DENND1A: variants seen among roughly 807,000 people sequenced by gnomAD.
The protein encoded by DENND1A is DENN domain containing 1A, also known as DENN domain-containing protein 1A.
In DENND1A, 51 loss-of-function variants were observed where a neutral mutation model predicts 113.7. That is an observed-to-expected ratio of 0.45 (90% CI 0.36 to 0.57). The LOEUF (loss-of-function observed/expected upper bound fraction) is 0.57, where lower values mean the gene tolerates loss of function less well. DENND1A is among the 20% of genes least tolerant of loss of function. The pLI is 0.00. For missense variants in DENND1A, 1,258 were observed against 1,395.9 expected, an observed-to-expected ratio of 0.90 and a Z score of 1.57; for synonymous variants, 565 against 570.8, an observed-to-expected ratio of 0.99 and a Z score of 0.14.
chr9:123,490,334 C>T (rs1269670662), intron 13 of DENND1A, among the ~76,000 whole-genome samples: 2 of 152,136 alleles, frequency 1.3e-5, no homozygotes, highest in Non-Finnish European at 2.9e-5. Context: ...GCCTGTAATC[C>T]CAGCACAGTC....
At chr9:123,593,950 CCT>C (rs1241849128) in intron 11 of DENND1A, among the ~76,000 whole-genome samples, 2 of 151,900 alleles carry the variant, frequency 1.3e-5, no homozygotes, top group African/African-American at 4.8e-5. Flanking sequence ...GTAGCATTCC[CCT>C]CTCTCTCTCT....
intron 2 of DENND1A, among the ~76,000 whole-genome samples, chr9:123,810,827 T>C (rs139292024): frequency 6.6e-6 from 1 of 151,508 alleles, no homozygotes; most frequent in African/African-American, 2.4e-5. Flanking sequence ...GGTGCAATCT[T>C]GGCTCACTGC....
chr9:123,558,724 C>T (rs10986053), intron 12 of DENND1A, among the ~76,000 whole-genome samples: 8,337 of 152,238 alleles, frequency 0.055, 322 homozygotes, highest in Admixed American at 0.087. Context: ...TCAAGCTTCC[C>T]GGACTATTTC....
intron 1 of DENND1A, among the ~76,000 whole-genome samples, chr9:123,916,186 G>A (rs904238202): frequency 1.3e-5 from 2 of 151,990 alleles, no homozygotes; most frequent in Admixed American, 1.3e-4. Flanking sequence ...CCATCCAATA[G>A]AGTACTATTG....
intron 9 of DENND1A, among the ~76,000 whole-genome samples, chr9:123,632,110 AC>A (rs1362728638): frequency 6.6e-6 from 1 of 152,208 alleles, no homozygotes; most frequent in African/African-American, 2.4e-5. Flanking sequence ...GGTTAGTGTA[AC>A]ATGAACAGCT....
At chr9:123,572,592 T>C (rs1012708243) in intron 12 of DENND1A, among the ~76,000 whole-genome samples, 5 of 152,236 alleles carry the variant, frequency 3.3e-5, no homozygotes, top group African/African-American at 7.2e-5. Flanking sequence ...TATCTTTTCA[T>C]GTGCATGTTG....
intron 2 of DENND1A, among the ~76,000 whole-genome samples, chr9:123,875,129 A>G (rs1439799916): frequency 1.3e-5 from 2 of 152,244 alleles, no homozygotes; most frequent in African/African-American, 4.8e-5. Context: ...GCAGAGCTAC[A>G]TACAGAATAA....
At chr9:123,831,471 A>C (rs1475777224) in intron 2 of DENND1A, among the ~76,000 whole-genome samples, 1 of 152,198 alleles carries the variant, frequency 6.6e-6, no homozygotes, top group Non-Finnish European at 1.5e-5. Flanking sequence ...TGAAACTACA[A>C]AGACCAATAA....
At chr9:123,408,263 C>T (rs1274135518) in intron 20 of DENND1A, among the ~76,000 whole-genome samples, 1 of 152,160 alleles carries the variant, frequency 6.6e-6, no homozygotes, top group African/African-American at 2.4e-5. Flanking sequence ...CGAGTCTCCC[C>T]GGTTCCCACC....
chr9:123,495,249 T>C (rs1293519596), intron 13 of DENND1A, among the ~76,000 whole-genome samples: 1 of 151,888 alleles, frequency 6.6e-6, no homozygotes, highest in Admixed American at 6.6e-5. Context: ...TTATCACCAG[T>C]AGCCAGCAGT....
rs541602517 is a variant in DENND1A at position 123,891,408 on chromosome 9, C to T, written c.18-12387G>A. Among the ~76,000 whole-genome samples the T allele has an allele frequency of 5.3e-5, 8 of 152,284 alleles. No individual in the cohort carries two copies. The South Asian group carries it at 1.7e-3, about 32-fold the overall frequency. ...TTTAAATCAGATTCCCAGGTTCTAC[C>T]ACTGAAGACTGATTCATTAGGTGGG... is the stretch of plus-strand genomic sequence containing the variant. On this transcript the variant is annotated intron_variant, in intron 1 of 23. Coordinates refer to ENST00000394215, the MANE Select transcript of DENND1A (RefSeq NM_001352964.2).
intron 10 of DENND1A, among the ~76,000 whole-genome samples, chr9:123,614,411 A>T (rs2060550412): frequency 6.6e-6 from 1 of 152,240 alleles, no homozygotes; most frequent in Non-Finnish European, 1.5e-5. Context: ...GGAAGAAGCA[A>T]GAATATGGAA....
intron 19 of DENND1A, among the ~76,000 whole-genome samples, chr9:123,420,392 A>G (rs2045163056): frequency 6.6e-6 from 1 of 152,134 alleles, no homozygotes; most frequent in Non-Finnish European, 1.5e-5. Context: ...GGTGCCCCAC[A>G]ACTTGCCCTC....
Position 123,414,091 on chromosome 9 carries a change from C to T in DENND1A, c.1489-2262G>A, listed in dbSNP as rs977140525. 2.1e-5 allele frequency: 21 copies of T among 994,148 alleles called. No homozygotes were observed. In the East Asian group the frequency reaches 5.4e-4, roughly 26 times the overall value. The allele number at this position is 994,148 out of a possible 1,614,324, so 61.6% of individuals were successfully genotyped here. On this transcript the variant is annotated intron_variant, in intron 19 of 23. Coordinates refer to ENST00000394215, the MANE Select transcript of DENND1A (RefSeq NM_001352964.2). ...CTGGGTGGCAGTGCACCAGAGCGCT[C>T]GGGAGGCAGCCTCTAGGGGTCAGAC...
intron 11 of DENND1A, among the ~76,000 whole-genome samples, chr9:123,591,118 C>CA (rs1174664793): frequency 6.6e-6 from 1 of 152,202 alleles, no homozygotes; most frequent in African/African-American, 2.4e-5. Context: ...GTTTGATAAA[C>CA]ACTCTATCTT....
At chr9:123,612,727 C>T (rs771493116) in intron 10 of DENND1A, among the ~76,000 whole-genome samples, 3 of 152,178 alleles carry the variant, frequency 2.0e-5, no homozygotes, top group Non-Finnish European at 2.9e-5. Flanking sequence ...CTTCATGTTG[C>T]ATGAATTCCT....
intron 13 of DENND1A, among the ~76,000 whole-genome samples, chr9:123,549,084 AT>A (rs1182305852): frequency 2.0e-5 from 3 of 151,974 alleles, no homozygotes; most frequent in Non-Finnish European, 4.4e-5. Context: ...TATTTTTTAC[AT>A]TTTTTTTCCT....
At chr9:123,636,119 A>G (rs749675619) in intron 9 of DENND1A, among the ~76,000 whole-genome samples, 1 of 152,132 alleles carries the variant, frequency 6.6e-6, no homozygotes, top group Non-Finnish European at 1.5e-5. Context: ...CTGCAGCTCC[A>G]GGGCCCAGCT....
rs144771175 is a variant in DENND1A, at chr9:123,695,040, T to C, written c.303-18251A>G. 4.5e-3 allele frequency among the ~76,000 whole-genome samples: 685 copies of C among 152,110 alleles called. 6 individuals are homozygous for C. The highest frequency in any genetic ancestry group is 0.015 in the African/African-American group (641 of 41,518). ...CATGAAAAGGAGAGAGAGACTGGCC[T>C]AGCCTCCCAGCCTACAACTTACTCT... On this transcript the variant is annotated intron_variant, in intron 5 of 23. Transcript: ENST00000394215.
Sources: gnomAD v4.1 joint callset for allele counts (sites outside exome capture counted in the v4.1 genomes callset) on GRCh38, gnomAD v4.1.1 for gene constraint, MANE v1.5 for transcripts, NCBI Gene and HGNC (gene_info 2026-07-23, HGNC 2026-07-21) for gene names.